The following CD109 variants were observed in gnomAD, a reference collection of about 807,000 sequenced individuals.
CD109 encodes CD109 molecule.
In CD109, 149 loss-of-function variants were observed where a neutral mutation model predicts 165.8. The ratio of observed to expected loss-of-function variants is 0.90; its 90% CI spans 0.79 to 1.03. The LOEUF is 1.03. Among genes scored for constraint, CD109 ranks in the 50% least tolerant of loss-of-function variants. The pLI, the probability that CD109 is intolerant of heterozygous loss-of-function variation, is 0.00. For missense variants in CD109, 1,712 were observed against 1,677.8 expected, an observed-to-expected ratio of 1.02 and a Z score of -0.36; for synonymous variants, 585 against 592.1, an observed-to-expected ratio of 0.99 and a Z score of 0.18.
intron 4 of CD109, among the ~76,000 whole-genome samples, chr6:73,735,359 T>C (rs544978607): frequency 6.6e-6 from 1 of 152,310 alleles, no homozygotes; most frequent in South Asian, 2.1e-4. Context: ...TTCTCAGATT[T>C]GCGTTTCAGA....
At chr6:73,683,577 C>A in the CD109 span, among the ~76,000 whole-genome samples, 1 of 152,188 alleles carries the variant, frequency 6.6e-6, no homozygotes, top group East Asian at 1.9e-4. Flanking sequence ...TTTCCAAAGT[C>A]ACTTCAACAT....
chr6:73,779,035 G>T (rs951721328), intron 15 of CD109, among the ~76,000 whole-genome samples: 7 of 152,018 alleles, frequency 4.6e-5, no homozygotes, highest in Non-Finnish European at 2.9e-5. Context: ...ACATTTTCAT[G>T]GCTCCAGACA....
intron 2 of CD109, 104 bp from the exon 3 acceptor site, chr6:73,723,147 T>C: frequency 6.3e-7 from 1 of 1,576,986 alleles, no homozygotes; most frequent in South Asian, 1.2e-5. Context: ...TATTTATGAT[T>C]CCACCTACAC....
chr6:73,800,633 G>T (rs1425258742), intron 23 of CD109, among the ~76,000 whole-genome samples: 1 of 152,106 alleles, frequency 6.6e-6, no homozygotes, highest in African/African-American at 2.4e-5. Context: ...GGAGAGAAAT[G>T]GTATCTCAGT....
intron 25 of CD109, among the ~76,000 whole-genome samples, chr6:73,807,407 G>A (rs1400988501): frequency 1.3e-5 from 2 of 152,178 alleles, no homozygotes; most frequent in Admixed American, 1.3e-4. Context: ...TTGACAATGT[G>A]TTCTAGCAAG....
intron 4 of CD109, among the ~76,000 whole-genome samples, chr6:73,731,310 C>T (rs1346916960): frequency 2.0e-5 from 3 of 152,218 alleles, no homozygotes; most frequent in Non-Finnish European, 2.9e-5. Context: ...GGATTATAGG[C>T]GTGAGCCACT....
intron 25 of CD109, 120 bp downstream of exon 25, chr6:73,807,192 G>A: frequency 2.8e-6 from 2 of 703,334 alleles, no homozygotes; most frequent in Non-Finnish European, 4.8e-6. Context: ...TGTGAAATCT[G>A]AATTTGAGTA....
chr6:73,765,467 A>T (rs1773798271), intron 10 of CD109, among the ~76,000 whole-genome samples: 1 of 152,190 alleles, frequency 6.6e-6, no homozygotes, highest in African/African-American at 2.4e-5. Context: ...GGTGTCCAGG[A>T]TATCCAAGTA....
intron 2 of CD109, among the ~76,000 whole-genome samples, chr6:73,721,358 TTTTA>T (rs1771940118): frequency 6.6e-6 from 1 of 151,918 alleles, no homozygotes; most frequent in Non-Finnish European, 1.5e-5. Context: ...ATGTAGTAAT[TTTTA>T]TTTCTTTTTT....
At chr6:73,728,235 C>A (rs534948996) in intron 3 of CD109, among the ~76,000 whole-genome samples, 1 of 152,136 alleles carries the variant, frequency 6.6e-6, no homozygotes, top group Non-Finnish European at 1.5e-5. Flanking sequence ...GCAGGAGAAT[C>A]GCTTGAACCC....
chr6:73,768,448 G>T (rs1405169787), intron 14 of CD109, among the ~76,000 whole-genome samples: 1 of 152,106 alleles, frequency 6.6e-6, no homozygotes, highest in Non-Finnish European at 1.5e-5. Flanking sequence ...GTAAACTATG[G>T]TTCTGGTCTT....
chr6:73,822,485 A>T (rs1182581490), intron 32 of CD109, among the ~76,000 whole-genome samples: 1 of 152,218 alleles, frequency 6.6e-6, no homozygotes, highest in African/African-American at 2.4e-5. Flanking sequence ...GGGTTCACCC[A>T]GGTTCTTGTG....
intron 24 of CD109, among the ~76,000 whole-genome samples, 181 bp downstream of exon 24, chr6:73,803,482 C>A (rs747715805): frequency 6.6e-6 from 1 of 152,024 alleles, no homozygotes; most frequent in South Asian, 2.1e-4. Context: ...ATTAACAAAT[C>A]AAATGTTTTT....
intron 7 of CD109, 123 bp from the exon 8 acceptor site, chr6:73,762,261 C>G (rs1342811586): frequency 1.3e-5 from 9 of 688,014 alleles, no homozygotes; most frequent in Non-Finnish European, 2.2e-5. Context: ...GCTCCCAGCC[C>G]AATGTAATTT....
chr6:73,775,642 G>T (rs1165320396), intron 15 of CD109, among the ~76,000 whole-genome samples: 1 of 152,150 alleles, frequency 6.6e-6, no homozygotes, highest in East Asian at 1.9e-4. Flanking sequence ...GTACCCATTA[G>T]TTATTTTTCA....
chr6:73,791,174 T>TACAC (rs1562071004), intron 22 of CD109, among the ~76,000 whole-genome samples: 37 of 30,704 alleles, frequency 1.2e-3, no homozygotes, highest in African/African-American at 4.3e-3. Context: ...TATATATATA[T>TACAC]ATACACACAC....
intron 24 of CD109, among the ~76,000 whole-genome samples, chr6:73,805,414 C>T (rs1469623772): frequency 2.0e-5 from 3 of 152,252 alleles, no homozygotes; most frequent in Non-Finnish European, 4.4e-5. Flanking sequence ...AGCCCTAAGG[C>T]AGGTTTCCCC....
intron 24 of CD109, chr6:73,803,868 GA>G (rs1244185092): frequency 6.5e-5 from 10 of 153,462 alleles, no homozygotes; most frequent in African/African-American, 2.4e-4. Context: ...TATCAATCAG[GA>G]TAGACTAGGA....
At chr6:73,785,602 C>G (rs937051052) in intron 20 of CD109, 125 bp downstream of exon 20, 1 of 552,926 alleles carries the variant, frequency 1.8e-6, no homozygotes, top group Non-Finnish European at 3.1e-6. Flanking sequence ...TTCTGGGAGG[C>G]TGAAAATAGA....
Sources: allele counts gnomAD v4.1 joint callset (sites outside exome capture counted in the v4.1 genomes callset), GRCh38; gene constraint gnomAD v4.1.1; transcripts MANE v1.5; gene names NCBI Gene and HGNC (gene_info 2026-07-23, HGNC 2026-07-21).